Variants in SERPINB13 observed in about 807,000 individuals in gnomAD.
SERPINB13 encodes serpin B13.
SERPINB13 carries 26 observed loss-of-function variants against 31.2 expected under a neutral mutation model. That is an observed-to-expected ratio of 0.83 (90% CI 0.61 to 1.15). The LOEUF (loss-of-function observed/expected upper bound fraction) is 1.15, where lower values mean the gene tolerates loss of function less well. SERPINB13 is among the 50% of genes most tolerant of loss of function. The pLI is 0.00. For synonymous variants in SERPINB13, 191 were observed against 172.4 expected, an observed-to-expected ratio of 1.11 and a Z score of -0.85; for missense variants, 510 against 469.4, an observed-to-expected ratio of 1.09 and a Z score of -0.80.
At chr18:63,593,595 G>T (rs768502286) in intron 5 of SERPINB13, among the ~76,000 whole-genome samples, 1 of 152,146 alleles carries the variant, frequency 6.6e-6, no homozygotes. Context: ...AATCCACAGA[G>T]AAATGTTAAT....
At chr18:63,588,554 C>T in intron 1 of SERPINB13, 97 bp from the exon 2 acceptor site, 2 of 1,272,250 alleles carry the variant, frequency 1.6e-6, no homozygotes, top group Non-Finnish European at 2.2e-6. Context: ...TCCCTGTATT[C>T]CGGATCGATG....
intron 3 of SERPINB13, 157 bp downstream of exon 3, chr18:63,589,872 C>A: frequency 1.4e-6 from 2 of 1,396,516 alleles, no homozygotes; most frequent in Admixed American, 2.6e-5. Context: ...TCACCATAGA[C>A]AAATATTGTT....
rs1912341803 is a variant in SERPINB13 at position 63,598,923 on chromosome 18, C to G, written c.*1560C>G. On this transcript the variant is annotated 3_prime_UTR_variant, in exon 8 of 8. Coordinates refer to ENST00000344731, the MANE Select transcript of SERPINB13 (RefSeq NM_012397.4). The stretch of plus-strand genomic sequence containing the variant: ...TCCTCACCAACATCCAGGATTGTGT[C>G]TTTATGATTATAGCCATTTTTGTAG... 1 of 152,146 alleles carries G rather than the reference C, an allele frequency of 6.6e-6. No homozygotes were observed. Among genetic ancestry groups the G allele is most frequent in the Admixed American group, 6.6e-5 (1 of 15,266 alleles). 9.4% of individuals were successfully genotyped at this position (152,146 alleles called of 1,614,324 possible).
In SERPINB13 at chr18:63,597,124, A is replaced by G. The variant is rs1912223299; in HGVS notation, c.937A>G (p.Lys313Glu). Reference protein sequence around the residue: ...MGMGDAFSEHKADYSGMSSGS... With the variant: ...MGMGDAFSEHEADYSGMSSGS... ...GATGGGCGATGCCTTCAGTGAGCAC[A>G]AAGCCGACTACTCGGGAATGTCGTC... Residue 313 changes from lysine (K) to glutamate (E), a missense_variant, in exon 8 of 8, where the codon AAA (lysine) becomes GAA (glutamate). By Grantham distance (56) the Lys-to-Glu change is moderately conservative. Coordinates refer to ENST00000344731, the MANE Select transcript of SERPINB13 (RefSeq NM_012397.4). 1 of 1,614,098 alleles carries G rather than the reference A, an allele frequency of 6.2e-7. No individual in the cohort carries two copies. Among genetic ancestry groups the G allele is most frequent in the Non-Finnish European group, 8.5e-7 (1 of 1,180,052 alleles).
At chr18:63,595,717 G>A (rs1044502250) in intron 7 of SERPINB13, among the ~76,000 whole-genome samples, 2 of 152,074 alleles carry the variant, frequency 1.3e-5, no homozygotes, top group South Asian at 4.2e-4. Flanking sequence ...GGCTAACACG[G>A]TGAAACCCCG....
Position 63,597,437 on chromosome 18 carries a change from C to A in SERPINB13, c.*74C>A. 6.9e-7 allele frequency: 1 copy of A among 1,453,478 alleles called. No individual in the cohort carries two copies. The highest frequency in any genetic ancestry group is 1.4e-5 in the South Asian group (1 of 73,798). 90.0% of individuals were successfully genotyped at this position (1,453,478 alleles called of 1,614,324 possible). On this transcript the variant is annotated 3_prime_UTR_variant, in exon 8 of 8. Transcript: ENST00000344731. ...GTGTTACTCATATGATTATGAAAAT[C>A]GTCCATTCTTTTAAATGTTGTCTCA...
At position 63,588,701 on chromosome 18, in the gene SERPINB13, G is replaced by A. The variant is rs777948255; in HGVS notation, c.34G>A (p.Gly12Arg). 3 of 1,614,170 alleles carry A rather than the reference G, an allele frequency of 1.9e-6. No individual in the cohort carries two copies. The East Asian group carries it at 6.7e-5, about 36-fold the overall frequency. Residue 12 changes from glycine (G) to arginine (R), a missense_variant, in exon 2 of 8, where the codon GGG becomes AGG. Coordinates refer to ENST00000344731, the MANE Select transcript of SERPINB13 (RefSeq NM_012397.4). Reference protein sequence around the residue: ...DSLGAVSTRLGFDLFKELKKT... With the variant: ...DSLGAVSTRLRFDLFKELKKT... Reference sequence around the variant, plus strand: ...ACTTGGCGCCGTCAGCACTCGACTTGGGTTTGATCTTTTCAAAGAGCTGAA... The same window carrying A: ...ACTTGGCGCCGTCAGCACTCGACTTAGGTTTGATCTTTTCAAAGAGCTGAA...
In SERPINB13 at chr18:63,597,265, G is replaced by C. The variant is rs752340076; in HGVS notation, c.1078G>C (p.Gly360Arg). ...AGGCTTTACTGTCACATCCGCCCCA[G>C]GTCATGAAAATGTTCACTGCAATCA... Reference protein sequence around the residue: ...GIGFTVTSAPGHENVHCNHPF... With the variant: ...GIGFTVTSAPRHENVHCNHPF... The change falls in exon 8 of 8, where the codon GGT (glycine) becomes CGT (arginine). Residue 360 changes from glycine (G) to arginine (R), a missense_variant. Physicochemically the swap from Gly to Arg is moderately radical, Grantham distance 125. Transcript: ENST00000344731. 6.2e-7 allele frequency: 1 copy of C among 1,614,110 alleles called. No homozygotes were observed. The highest frequency in any genetic ancestry group is 8.5e-7 in the Non-Finnish European group (1 of 1,180,050).
In SERPINB13 at chr18:63,598,636, C is replaced by T. The variant is rs9959343; in HGVS notation, c.*1273C>T. ...TACTATTCCATTGCATGGAAAAGAC[C>T]TATTTTATTTCTAGGTTCACCAGTT... On this transcript the variant is annotated 3_prime_UTR_variant, in exon 8 of 8. Coordinates refer to ENST00000344731, the MANE Select transcript of SERPINB13 (RefSeq NM_012397.4). The T allele has an allele frequency of 0.31, 47,707 of 151,986 alleles. 7,914 individuals are homozygous for T. The highest frequency in any genetic ancestry group is 0.6 in the East Asian group (3,131 of 5,184). The allele number at this position is 151,986 out of a possible 1,614,324, so 9.4% of individuals were successfully genotyped here.
chr18:63,587,723 T>A (rs1911595419), intron 1 of SERPINB13, among the ~76,000 whole-genome samples: 1 of 152,242 alleles, frequency 6.6e-6, no homozygotes, highest in African/African-American at 2.4e-5. Context: ...GGATGAGCCC[T>A]TGAGGGCAAA....
chr18:63,596,515 A>G (rs1912176180), intron 7 of SERPINB13, among the ~76,000 whole-genome samples: 1 of 152,252 alleles, frequency 6.6e-6, no homozygotes, highest in Non-Finnish European at 1.5e-5. Flanking sequence ...ATAGCTAAAT[A>G]TTGGGAAAAA....
rs911900528 is a variant in SERPINB13 at position 63,598,490 on chromosome 18, C to T, written c.*1127C>T. 1.3e-5 allele frequency: 2 copies of T among 152,122 alleles called. No homozygotes were observed. The highest frequency in any genetic ancestry group is 4.8e-5 in the African/African-American group (2 of 41,426). The allele number at this position is 152,122 out of a possible 1,614,324, so 9.4% of individuals were successfully genotyped here. On this transcript the variant is annotated 3_prime_UTR_variant, in exon 8 of 8. Transcript: ENST00000344731. ...TCTTTATAAGTTTTTCTTTCTACAT[C>T]TTATATAAATGGAATCATAATACAT... is the stretch of plus-strand genomic sequence containing the variant.
Position 63,592,479 on chromosome 18 carries a change from A to C in SERPINB13, c.354+3A>C. ...AAAAAACATACCTCTTCCTTCAAGT[A>C]AGTTTGCCATGCCTACCATATCTGT... On this transcript the variant is annotated splice_donor_region_variant and intron_variant, in intron 4 of 7. Coordinates refer to ENST00000344731, the MANE Select transcript of SERPINB13 (RefSeq NM_012397.4). 1 of 1,612,830 alleles carries C rather than the reference A, an allele frequency of 6.2e-7. No homozygotes were observed. The highest frequency in any genetic ancestry group is 8.5e-7 in the Non-Finnish European group (1 of 1,179,484).
chr18:63,592,683 A>C (rs73470409), intron 4 of SERPINB13, among the ~76,000 whole-genome samples, 171 bp from the exon 5 acceptor site: 1,652 of 152,318 alleles, frequency 0.011, 34 homozygotes, highest in African/African-American at 0.038. Flanking sequence ...TCATCCCCAG[A>C]ATAGCTGCAT....
intron 1 of SERPINB13, 88 bp from the exon 2 acceptor site, chr18:63,588,563 T>G (rs1428282658): frequency 4.4e-6 from 6 of 1,349,888 alleles, no homozygotes; most frequent in Non-Finnish European, 6.2e-6. Flanking sequence ...TCCGGATCGA[T>G]GCAAGAAGAG....
intron 1 of SERPINB13, among the ~76,000 whole-genome samples, chr18:63,588,396 C>T (rs1911634448): frequency 6.6e-6 from 1 of 152,174 alleles, no homozygotes; most frequent in African/African-American, 2.4e-5. Flanking sequence ...GCCATTAAAA[C>T]ATTAACCCTG....
chr18:63,588,857 T>C (rs1911670286), intron 2 of SERPINB13, 25 bp downstream of exon 2: 1 of 1,599,780 alleles, frequency 6.3e-7, no homozygotes, highest in Non-Finnish European at 8.5e-7. Flanking sequence ...GGGGGCTTCC[T>C]TGTTTCCTAT....
At position 63,587,443 on chromosome 18, in the gene SERPINB13, A is replaced by G. The variant is rs1472971352; in HGVS notation, c.-25A>G. 2.1e-6 allele frequency: 1 copy of G among 471,098 alleles called. No homozygotes were observed. Among genetic ancestry groups the G allele is most frequent in the African/African-American group, 2.0e-5 (1 of 50,212 alleles). 29.2% of individuals were successfully genotyped at this position (471,098 alleles called of 1,614,324 possible). ...GCCCAGCCACCACCGTCTCTCCAAA[A>G]ACCCGAGGTAAGTTCTTATTTTGGC... is the stretch of plus-strand genomic sequence containing the variant. On this transcript the variant is annotated 5_prime_UTR_variant, in exon 1 of 8. Coordinates refer to ENST00000344731, the MANE Select transcript of SERPINB13 (RefSeq NM_012397.4).
In SERPINB13 at chr18:63,597,215, C is replaced by G; in HGVS notation, c.1028C>G (p.Thr343Ser). 6.2e-7 allele frequency: 1 copy of G among 1,614,182 alleles called. No individual in the cohort carries two copies. Among genetic ancestry groups the G allele is most frequent in the South Asian group, 1.1e-5 (1 of 91,088 alleles). Reference sequence around the variant, plus strand: ...TTTGTGGCAGTAACTGAGGAAGGCACCGAGGCTGCAGCTGCCACCGGCATA... The same window carrying G: ...TTTGTGGCAGTAACTGAGGAAGGCAGCGAGGCTGCAGCTGCCACCGGCATA... Reference protein sequence around the residue: ...SSFVAVTEEGTEAAAATGIGF... With the variant: ...SSFVAVTEEGSEAAAATGIGF... The change falls in exon 8 of 8, where the codon ACC (threonine) becomes AGC (serine). Residue 343 changes from threonine (T) to serine (S), a missense_variant. Physicochemically the swap from Thr to Ser is moderately conservative, Grantham distance 58. Transcript: ENST00000344731.
Sources: gnomAD v4.1 joint callset for allele counts (sites outside exome capture counted in the v4.1 genomes callset) on GRCh38, gnomAD v4.1.1 for gene constraint, MANE v1.5 for transcripts, NCBI Gene and HGNC (gene_info 2026-07-23, HGNC 2026-07-21) for gene names.